The following CFDP1 variants were observed in gnomAD, a reference collection of about 807,000 sequenced individuals.
CFDP1 encodes heterochromatin-stabilizing protein CFDP1.
CFDP1 carries 31 observed loss-of-function variants against 40.1 expected under a neutral mutation model. That is an observed-to-expected ratio of 0.77 (90% CI 0.58 to 1.04). The LOEUF is 1.04. Ranked by LOEUF, CFDP1 falls within the 50% of genes least tolerant of loss-of-function variation. The pLI, the probability that CFDP1 is intolerant of heterozygous loss-of-function variation, is 0.00. For missense variants in CFDP1, 423 were observed against 343.4 expected (o/e 1.23, Z -1.83); for synonymous variants, 167 against 120.0 (o/e 1.39, Z -2.56).
At chr16:75,302,293 C>T (rs980377838) in intron 6 of CFDP1, among the ~76,000 whole-genome samples, 1 of 152,110 alleles carries the variant, frequency 6.6e-6, no homozygotes, top group Non-Finnish European at 1.5e-5. Context: ...CAGGGTCTCA[C>T]TCTTTCACCC....
intron 5 of CFDP1, among the ~76,000 whole-genome samples, chr16:75,307,636 A>G (rs898494512): frequency 6.6e-6 from 1 of 152,128 alleles, no homozygotes; most frequent in Non-Finnish European, 1.5e-5. Context: ...ACAGCTTACT[A>G]CAGCCTCAAC....
chr16:75,433,105 G>GCCACGC (rs2079444358), intron 1 of CFDP1, among the ~76,000 whole-genome samples, 184 bp downstream of exon 1: 1 of 152,222 alleles, frequency 6.6e-6, no homozygotes, highest in Non-Finnish European at 1.5e-5. Flanking sequence ...GCACAGAACC[G>GCCACGC]CCACGCGCAC....
chr16:75,411,973 G>C (rs982969474), intron 3 of CFDP1, 21 bp from the exon 4 acceptor site: 2 of 1,575,598 alleles, frequency 1.3e-6, no homozygotes, highest in African/African-American at 2.8e-5. Flanking sequence ...AACAAGAAAT[G>C]TAATGTTTCA....
chr16:75,360,169 C>T (rs1009023850), intron 5 of CFDP1, among the ~76,000 whole-genome samples: 1 of 152,178 alleles, frequency 6.6e-6, no homozygotes, highest in African/African-American at 2.4e-5. Context: ...GCTGGGATTA[C>T]AGGCATGAGC....
At chr16:75,361,080 G>C (rs1222466024) in intron 5 of CFDP1, among the ~76,000 whole-genome samples, 1 of 152,098 alleles carries the variant, frequency 6.6e-6, no homozygotes, top group African/African-American at 2.4e-5. Context: ...CGTGATCTTG[G>C]CTTACTACAA....
chr16:75,377,339 A>G (rs887825621), intron 5 of CFDP1, among the ~76,000 whole-genome samples: 17 of 152,256 alleles, frequency 1.1e-4, no homozygotes, highest in African/African-American at 3.9e-4. Flanking sequence ...AGTGTGGAGT[A>G]TAATTATCAT....
intron 5 of CFDP1, among the ~76,000 whole-genome samples, chr16:75,317,858 CCCAG>C (rs2078333956): frequency 6.6e-6 from 1 of 152,058 alleles, no homozygotes; most frequent in Non-Finnish European, 1.5e-5. Flanking sequence ...CCCCTGTAAT[CCCAG>C]CACTTTGGGA....
At chr16:75,330,486 G>C (rs1445147191) in intron 5 of CFDP1, among the ~76,000 whole-genome samples, 1 of 152,232 alleles carries the variant, frequency 6.6e-6, no homozygotes, top group Non-Finnish European at 1.5e-5. Flanking sequence ...TTACTAGGGA[G>C]GCTGAGGCAG....
intron 4 of CFDP1, among the ~76,000 whole-genome samples, chr16:75,398,132 G>C (rs1460346767): frequency 2.0e-5 from 3 of 152,208 alleles, no homozygotes; most frequent in Non-Finnish European, 1.5e-5. Flanking sequence ...AGAGGCAAAA[G>C]GCAACAAGTA....
At chr16:75,397,746 C>T (rs2079009200) in intron 4 of CFDP1, among the ~76,000 whole-genome samples, 1 of 151,786 alleles carries the variant, frequency 6.6e-6, no homozygotes, top group African/African-American at 2.4e-5. Flanking sequence ...GTGGAGGCTG[C>T]AGTCAGCCGA....
intron 3 of CFDP1, 45 bp downstream of exon 3, chr16:75,412,490 G>T: frequency 1.4e-6 from 2 of 1,396,210 alleles, no homozygotes; most frequent in Non-Finnish European, 2.0e-6. Flanking sequence ...CAGTAATGTA[G>T]GGTATTTCTG....
At chr16:75,417,986 G>A (rs1307742441) in intron 1 of CFDP1, among the ~76,000 whole-genome samples, 5 of 152,066 alleles carry the variant, frequency 3.3e-5, no homozygotes, top group African/African-American at 1.2e-4. Flanking sequence ...GGGAGCGGTG[G>A]CTCATGTCTG....
chr16:75,395,531 C>T (rs576134783), intron 4 of CFDP1, among the ~76,000 whole-genome samples: 4 of 151,912 alleles, frequency 2.6e-5, no homozygotes, highest in African/African-American at 9.7e-5. Flanking sequence ...TGGTGGCGGG[C>T]GCCTGTAGTC....
At chr16:75,339,759 C>T (rs1475896322) in intron 5 of CFDP1, among the ~76,000 whole-genome samples, 1 of 152,178 alleles carries the variant, frequency 6.6e-6, no homozygotes, top group East Asian at 1.9e-4. Flanking sequence ...TTGGGGCATA[C>T]ATGTGATGCA....
chr16:75,382,355 G>A (rs529772439), intron 5 of CFDP1, among the ~76,000 whole-genome samples: 3 of 152,194 alleles, frequency 2.0e-5, no homozygotes, highest in African/African-American at 4.8e-5. Flanking sequence ...TATGGTGTTA[G>A]AAGTTCTACT....
chr16:75,412,177 C>G (rs577816676), intron 3 of CFDP1, among the ~76,000 whole-genome samples: 1 of 152,274 alleles, frequency 6.6e-6, no homozygotes, highest in Admixed American at 6.5e-5. Context: ...CGCCACCACA[C>G]CCAGCTAATT....
At chr16:75,325,432 T>C (rs1281454976) in intron 5 of CFDP1, among the ~76,000 whole-genome samples, 6 of 152,248 alleles carry the variant, frequency 3.9e-5, no homozygotes, top group African/African-American at 9.6e-5. Context: ...ATGAGGCTTA[T>C]GCTGATCATC....
intron 1 of CFDP1, among the ~76,000 whole-genome samples, chr16:75,425,079 TA>T (rs200866884): frequency 6.8e-5 from 10 of 146,432 alleles, no homozygotes; most frequent in Admixed American, 1.4e-4. Flanking sequence ...TTTTTACACC[TA>T]AAAAAAAAAG....
At chr16:75,395,002 G>A (rs1169475251) in intron 5 of CFDP1, 88 bp downstream of exon 5, 2 of 1,472,494 alleles carry the variant, frequency 1.4e-6, no homozygotes, top group Non-Finnish European at 1.9e-6. Context: ...CTCAGGCAAG[G>A]AGTCTGATCT....
Sources: gnomAD v4.1 joint callset for allele counts (sites outside exome capture counted in the v4.1 genomes callset) on GRCh38, gnomAD v4.1.1 for gene constraint, MANE v1.5 for transcripts, NCBI Gene and HGNC (gene_info 2026-07-23, HGNC 2026-07-21) for gene names.